MED1: variants seen among roughly 807,000 people sequenced by gnomAD.
MED1 encodes mediator complex subunit 1, also known as mediator of RNA polymerase II transcription subunit 1.
In MED1, 17 loss-of-function variants were observed where a neutral mutation model predicts 121.3. The ratio of observed to expected loss-of-function variants is 0.14; its 90% CI spans 0.10 to 0.21. MED1 has a LOEUF of 0.21. Among genes scored for constraint, MED1 ranks in the 10% least tolerant of loss-of-function variants. The pLI is 1.00. For synonymous variants in MED1, 661 were observed against 694.4 expected (o/e 0.95, Z 0.76); for missense variants, 1,558 against 1,919.4 (o/e 0.81, Z 3.52).
At chr17:39,421,378 C>T (rs922218414) in intron 13 of MED1, among the ~76,000 whole-genome samples, 3 of 151,666 alleles carry the variant, frequency 2.0e-5, no homozygotes, top group Admixed American at 6.6e-5. Context: ...GGTAAAACCC[C>T]GTCTCTACTA....
rs760057649 is a variant in MED1 at position 39,412,122 on chromosome 17, GTTTAT to G, written c.1500-1406_1500-1402del. Reference sequence around the variant, plus strand: ...AAGTGCTATTTCTGTTATAAATCTTGTTTATTTTAAAGCAAAGCACTTTTTATTTT... The same window carrying G: ...AAGTGCTATTTCTGTTATAAATCTTGTTTAAAGCAAAGCACTTTTTATTTT... On this transcript the variant is annotated intron_variant, in intron 16 of 16. Transcript: ENST00000300651. Among the ~76,000 whole-genome samples, 316 of 150,326 alleles carry G rather than the reference GTTTAT, an allele frequency of 2.1e-3. 1 individual carries two copies. The highest frequency in any genetic ancestry group is 3.2e-3 in the Non-Finnish European group (216 of 67,700).
Position 39,440,125 on chromosome 17 carries a change from AAAGGAAGG to A in MED1, c.399+253_399+260del, listed in dbSNP as rs527527281. Reference sequence around the variant, plus strand: ...GAAAGAAAAAAGAAAGAAAAGAAAGAAAGGAAGGAAGGAAGGAAGGAAAGGGAAAAGGG... The same window carrying A: ...GAAAGAAAAAAGAAAGAAAAGAAAGAAAGGAAGGAAGGAAAGGGAAAAGGG... On this transcript the variant is annotated intron_variant, in intron 5 of 16. Coordinates refer to ENST00000300651, the MANE Select transcript of MED1 (RefSeq NM_004774.4). The surrounding 1 kb of genome is among the most constrained non-coding windows in gnomAD (Gnocchi z 4.1). 6.7e-6 allele frequency among the ~76,000 whole-genome samples: 1 copy of A among 149,072 alleles called. No individual in the cohort carries two copies. The highest frequency in any genetic ancestry group is 1.5e-5 in the Non-Finnish European group (1 of 67,206).
intron 3 of MED1, among the ~76,000 whole-genome samples, chr17:39,441,652 C>T (rs2048675818): frequency 6.6e-6 from 1 of 152,046 alleles, no homozygotes; most frequent in Admixed American, 6.6e-5. Context: ...CGCCTATAAT[C>T]CCACCCTCTC....
chr17:39,429,713 A>G (rs2048547474), intron 9 of MED1, among the ~76,000 whole-genome samples: 1 of 150,154 alleles, frequency 6.7e-6, no homozygotes, highest in Non-Finnish European at 1.5e-5. Context: ...AAAAAAAAAA[A>G]AAAAAAAAAA....
At chr17:39,439,936 GA>G (rs552947074) in intron 5 of MED1, among the ~76,000 whole-genome samples, 44 of 117,342 alleles carry the variant, frequency 3.7e-4, no homozygotes, top group African/African-American at 4.5e-4. Context: ...CTGTCCCAGG[GA>G]AAAAAAAAAA....
intron 13 of MED1, among the ~76,000 whole-genome samples, chr17:39,422,937 C>T (rs1247527880): frequency 1.5e-5 from 2 of 132,506 alleles, no homozygotes; most frequent in Admixed American, 9.1e-5. Context: ...ACAATCTTGT[C>T]TCACTGCAAC....
chr17:39,410,456 C>T lies in MED1; in HGVS notation c.1765G>A (p.Val589Met). The change falls in exon 17 of 17, where the codon GTG (valine) becomes ATG (methionine). Residue 589 changes from valine to methionine, a missense_variant. Physicochemically the swap from Val to Met is conservative, Grantham distance 21. Coordinates refer to ENST00000300651, the MANE Select transcript of MED1 (RefSeq NM_004774.4). ...TTGCTGAAGTCCTCCCCATGGCCCACCGACTCATGCCGATCTTTGATGCTC... is the reference window on the plus strand; with the variant it reads ...TTGCTGAAGTCCTCCCCATGGCCCATCGACTCATGCCGATCTTTGATGCTC... The part of the protein sequence containing the change: ...SMSIKDRHES[V>M]GHGEDFSKVS... 6.2e-7 allele frequency: 1 copy of T among 1,614,002 alleles called. No homozygotes were observed.
intron 6 of MED1, among the ~76,000 whole-genome samples, chr17:39,434,598 T>C (rs2048600869): frequency 6.6e-6 from 1 of 152,194 alleles, no homozygotes; most frequent in Non-Finnish European, 1.5e-5. Flanking sequence ...ACCAGGTGTT[T>C]TATTAGCTCC....
At chr17:39,431,620 T>C (rs1045831413) in intron 8 of MED1, among the ~76,000 whole-genome samples, 2 of 152,180 alleles carry the variant, frequency 1.3e-5, no homozygotes, top group Admixed American at 6.6e-5. Flanking sequence ...GTCTTGTAAT[T>C]GGGCATATAG....
In MED1 at chr17:39,405,108, G is replaced by A; in HGVS notation, c.*2367C>T. ...ATGAGTACACCTAGACAGGAGGGAG[G>A]TGTCCCAGGCTTGGTTTATTCTGCC... On this transcript the variant is annotated 3_prime_UTR_variant, in exon 17 of 17. Transcript: ENST00000300651. 8.5e-7 allele frequency: 1 copy of A among 1,175,042 alleles called. No homozygotes were observed. The highest frequency in any genetic ancestry group is 1.2e-6 in the Non-Finnish European group (1 of 863,958). 72.8% of individuals were successfully genotyped at this position (1,175,042 alleles called of 1,614,324 possible). A position where few individuals can be genotyped will look rare whatever the true frequency, so the allele number is the denominator to read the frequency against.
In MED1 at chr17:39,407,723, GCTT is replaced by G. The variant is rs781279500; in HGVS notation, c.4495_4497del (p.Lys1499del). 1.9e-6 allele frequency: 3 copies of G among 1,613,764 alleles called. No individual in the cohort carries two copies. The highest frequency in any genetic ancestry group is 1.3e-5 in the African/African-American group (1 of 74,836). On this transcript the variant is annotated inframe_deletion, in exon 17 of 17. Transcript: ENST00000300651. Reference sequence around the variant, plus strand: ...TTTACTTTCTTCTTTTCCTTTTTGTGCTTCTTATGTTTCTCTGTGCTGTATTCT... The same window carrying G: ...TTTACTTTCTTCTTTTCCTTTTTGTGCTTATGTTTCTCTGTGCTGTATTCT...
intron 13 of MED1, among the ~76,000 whole-genome samples, chr17:39,421,550 C>T (rs1448594189): frequency 6.6e-6 from 1 of 151,770 alleles, no homozygotes; most frequent in Non-Finnish European, 1.5e-5. Context: ...TAGACTCCAT[C>T]TCAAAAAATA....
chr17:39,443,498 T>C, intron 3 of MED1, 52 bp downstream of exon 3: 1 of 1,510,068 alleles, frequency 6.6e-7, no homozygotes, highest in Non-Finnish European at 9.2e-7. Flanking sequence ...AAATGGTCCT[T>C]CTTGAACTGG....
At chr17:39,415,482 T>C (rs1483865229) in intron 14 of MED1, 143 bp from the exon 15 acceptor site, 5 of 604,390 alleles carry the variant, frequency 8.3e-6, no homozygotes, top group Non-Finnish European at 1.4e-5. Context: ...AAGACCAGCC[T>C]GGCCAACATG....
At chr17:39,443,415 T>C (rs1401967684) in intron 3 of MED1, 135 bp downstream of exon 3, 7 of 659,218 alleles carry the variant, frequency 1.1e-5, no homozygotes, top group Non-Finnish European at 1.9e-5. Context: ...TCCAACTCCA[T>C]AAATGAATGC....
chr17:39,412,404 T>C (rs144398021), intron 16 of MED1, among the ~76,000 whole-genome samples: 1,617 of 151,636 alleles, frequency 0.011, 26 homozygotes, highest in African/African-American at 0.037. Context: ...AATTCTGTAT[T>C]TTTAGTAGAG....
At position 39,409,363 on chromosome 17, in the gene MED1, C is replaced by T; in HGVS notation, c.2858G>A (p.Ser953Asn). ...PADLMEHHSG[S>N]QGPLLTTGDL... is the part of the protein sequence containing the mutation. ...CCCAGTGGTCAGTAAAGGACCCTGA[C>T]TACCACTGTGATGCTCCATAAGATC... The change falls in exon 17 of 17, where the codon AGT becomes AAT. Residue 953 changes from serine to asparagine, a missense_variant. Ser to Asn is a conservative substitution (Grantham distance 46). This residue lies in a region of MED1 where 793 missense variants were observed against 898.2 expected (regional missense o/e 0.88). Transcript: ENST00000300651. 6.2e-7 allele frequency: 1 copy of T among 1,614,094 alleles called. No homozygotes were observed. Among genetic ancestry groups the T allele is most frequent in the Non-Finnish European group, 8.5e-7 (1 of 1,180,014 alleles).
At chr17:39,412,235 T>C (rs1268182016) in intron 16 of MED1, among the ~76,000 whole-genome samples, 1 of 150,450 alleles carries the variant, frequency 6.6e-6, no homozygotes, top group Admixed American at 6.6e-5. Context: ...TTTCTTTTTT[T>C]TTTTTTTTTT....
At chr17:39,416,299 C>G (rs551853654) in intron 14 of MED1, among the ~76,000 whole-genome samples, 1 of 152,294 alleles carries the variant, frequency 6.6e-6, no homozygotes, top group East Asian at 1.9e-4. Flanking sequence ...ATATCCAGAA[C>G]CACTGCCATA....
Sources: gnomAD v4.1 joint callset for allele counts (sites outside exome capture counted in the v4.1 genomes callset) on GRCh38, gnomAD v4.1.1 for gene constraint, gnomAD v4.1.1 regional missense constraint, Gnocchi (gnomAD v3.1) non-coding constraint, MANE v1.5 for transcripts, NCBI Gene and HGNC (gene_info 2026-07-23, HGNC 2026-07-21) for gene names.